The following RAB4A variants were observed in gnomAD, a reference collection of about 807,000 sequenced individuals.
RAB4A encodes the protein ras-related protein Rab-4A.
In RAB4A, 20 loss-of-function variants were observed where a neutral mutation model predicts 34.5. The ratio of observed to expected loss-of-function variants is 0.58; its 90% confidence interval spans 0.41 to 0.84. The LOEUF is 0.84. RAB4A is among the 40% of genes least tolerant of loss of function. The pLI is 0.00. For missense variants in RAB4A, 228 were observed against 274.5 expected, an observed-to-expected ratio of 0.83 and a Z score of 1.20; for synonymous variants, 102 against 100.0, an observed-to-expected ratio of 1.02 and a Z score of -0.12.
chr1:229,296,331 CA>C (rs1657250275), intron 4 of RAB4A, among the ~76,000 whole-genome samples: 1 of 152,186 alleles, frequency 6.6e-6, no homozygotes, highest in African/African-American at 2.4e-5. Context: ...CCTCTCAGGC[CA>C]GGTGCTTCAG....
intron 1 of RAB4A, among the ~76,000 whole-genome samples, chr1:229,273,695 T>A (rs1319870017): frequency 2.0e-5 from 3 of 152,146 alleles, no homozygotes; most frequent in African/African-American, 7.2e-5. Flanking sequence ...GCCAAGATTG[T>A]GCCACTGCAC....
chr1:229,302,305 ATATATTTT>A (rs1160175523), intron 6 of RAB4A, among the ~76,000 whole-genome samples: 59 of 37,742 alleles, frequency 1.6e-3, no homozygotes, highest in Non-Finnish European at 2.4e-3. Flanking sequence ...ATATATATAT[ATATATTTT>A]TTTTTTTTTT....
chr1:229,284,521 A>G (rs1656873124), intron 1 of RAB4A, among the ~76,000 whole-genome samples: 1 of 152,198 alleles, frequency 6.6e-6, no homozygotes, highest in African/African-American at 2.4e-5. Flanking sequence ...CAAATGCAAC[A>G]ATGATGGGTT....
chr1:229,271,846 G>A (rs893804932), intron 1 of RAB4A, among the ~76,000 whole-genome samples: 1 of 152,208 alleles, frequency 6.6e-6, no homozygotes, highest in Non-Finnish European at 1.5e-5. Context: ...ATTACAGTGA[G>A]GAGTTATTAA....
At chr1:229,294,558 G>C (rs1369863407) in intron 3 of RAB4A, among the ~76,000 whole-genome samples, 1 of 152,216 alleles carries the variant, frequency 6.6e-6, no homozygotes. Flanking sequence ...TTGGATGTGG[G>C]GCCACGCGTG....
rs1456767145 is a variant in RAB4A, at chr1:229,302,297, ATATATATATATATTT to A, written c.542-563_542-549del. ...TATATATATATATATATATATATAT[ATATATATATATATTT>A]TTTTTTTTTTTTTACATGTGCATGA... On this transcript the variant is annotated intron_variant, in intron 6 of 7. Coordinates refer to ENST00000366690, the MANE Select transcript of RAB4A (RefSeq NM_004578.4). Among the ~76,000 whole-genome samples the A allele has an allele frequency of 6.7e-4, 19 of 28,368 alleles. 2 individuals are homozygous for A. The highest frequency in any genetic ancestry group is 1.9e-3 in the South Asian group (2 of 1,034). The allele number at this position is 28,368 out of a possible 152,430, so 18.6% of individuals were successfully genotyped here.
chr1:229,299,137 C>A (rs117276980), intron 6 of RAB4A, 65 bp downstream of exon 6: 1 of 1,114,554 alleles, frequency 9.0e-7, no homozygotes, highest in African/African-American at 1.6e-5. Flanking sequence ...AGTAGATCAC[C>A]TTTTAATTAA....
intron 1 of RAB4A, among the ~76,000 whole-genome samples, chr1:229,272,741 C>CAGTT (rs1032713928): frequency 1.3e-5 from 2 of 152,044 alleles, no homozygotes; most frequent in Admixed American, 1.3e-4. Flanking sequence ...GTCAGTTTGT[C>CAGTT]TTGTAAGAAA....
intron 1 of RAB4A, among the ~76,000 whole-genome samples, chr1:229,283,361 T>C (rs975710729): frequency 2.0e-5 from 3 of 152,242 alleles, no homozygotes; most frequent in African/African-American, 7.2e-5. Context: ...TGCCCGGTTG[T>C]AGCCTTGCAA....
intron 1 of RAB4A, among the ~76,000 whole-genome samples, chr1:229,279,126 A>G (rs964078725): frequency 6.6e-6 from 1 of 152,210 alleles, no homozygotes; most frequent in East Asian, 1.9e-4. Flanking sequence ...AAATGACTCC[A>G]TTCTACCCAA....
At chr1:229,276,777 TA>T (rs1656661601) in intron 1 of RAB4A, among the ~76,000 whole-genome samples, 1 of 151,034 alleles carries the variant, frequency 6.6e-6, no homozygotes, top group South Asian at 2.1e-4. Context: ...TTTACATGAT[TA>T]AAAGGTAAGC....
chr1:229,282,500 G>A lies in RAB4A; in HGVS notation c.32-3986G>A, dbSNP rs184731751. Among the ~76,000 whole-genome samples the A allele has an allele frequency of 2.6e-5, 4 of 152,226 alleles. No individual in the cohort carries two copies. The East Asian group carries it at 7.7e-4, about 29-fold the overall frequency. Reference sequence around the variant, plus strand: ...CTCTCACCAAATTTAAGTTTTCAGTGCTGTTTCTTAGAGTGCTTTTTTCAA... The same window carrying A: ...CTCTCACCAAATTTAAGTTTTCAGTACTGTTTCTTAGAGTGCTTTTTTCAA... On this transcript the variant is annotated intron_variant, in intron 1 of 7. Coordinates refer to ENST00000366690, the MANE Select transcript of RAB4A (RefSeq NM_004578.4).
chr1:229,277,914 G>T (rs1225447328), intron 1 of RAB4A, among the ~76,000 whole-genome samples: 1 of 151,214 alleles, frequency 6.6e-6, no homozygotes, highest in East Asian at 1.9e-4. Context: ...GCCCAGTCTG[G>T]AGTGCAGTGG....
Position 229,271,333 on chromosome 1 carries a change from T to C in RAB4A, c.-7T>C. On this transcript the variant is annotated 5_prime_UTR_variant, in exon 1 of 8. Coordinates refer to ENST00000366690, the MANE Select transcript of RAB4A (RefSeq NM_004578.4). ...GTGACCCGGCGAGAGGCGGCGCCGC[T>C]CCCAAGATGTCGCAGACGGCCATGT... is the stretch of plus-strand genomic sequence containing the variant. The C allele has an allele frequency of 5.4e-6, 7 of 1,304,866 alleles. No individual in the cohort carries two copies. The highest frequency in any genetic ancestry group is 5.8e-6 in the Non-Finnish European group (6 of 1,028,158). The allele number at this position is 1,304,866 out of a possible 1,614,324, so 80.8% of individuals were successfully genotyped here.
Position 229,281,978 on chromosome 1 carries a change from G to A in RAB4A, c.32-4508G>A, listed in dbSNP as rs545924373. ...GTTAAACATAATGAAGAAAACTCAAGATAAGAAGGAAAGCCTATTGTATTT... is the reference window on the plus strand; with the variant it reads ...GTTAAACATAATGAAGAAAACTCAAAATAAGAAGGAAAGCCTATTGTATTT... On this transcript the variant is annotated intron_variant, in intron 1 of 7. Coordinates refer to ENST00000366690, the MANE Select transcript of RAB4A (RefSeq NM_004578.4). 1.1e-4 allele frequency among the ~76,000 whole-genome samples: 16 copies of A among 151,908 alleles called. No individual in the cohort carries two copies. The East Asian group carries it at 2.5e-3, about 24-fold the overall frequency.
At chr1:229,302,218 C>T (rs1056075636) in intron 6 of RAB4A, among the ~76,000 whole-genome samples, 22 of 125,506 alleles carry the variant, frequency 1.8e-4, no homozygotes, top group Admixed American at 1.7e-3. Context: ...TGGGTTGTTG[C>T]CAGTATTTTG....
At position 229,302,868 on chromosome 1, in the gene RAB4A, T is replaced by C. The variant is rs1308507919; in HGVS notation, c.548T>C (p.Leu183Pro). The change falls in exon 7 of 8, where the codon CTG becomes CCG. Residue 183 changes from leucine to proline, a missense_variant. Transcript: ENST00000366690. ...AGACTTGCTTGGTCCTTAGGTGAGC[T>C]GGACCCAGAAAGAATGGGCTCAGGT... is the stretch of plus-strand genomic sequence containing the variant. ...KILNKIESGE[L>P]DPERMGSGIQ... The C allele has an allele frequency of 1.2e-6, 2 of 1,612,528 alleles. No homozygotes were observed. Among genetic ancestry groups the C allele is most frequent in the Non-Finnish European group, 1.7e-6 (2 of 1,178,850 alleles).
At chr1:229,300,684 C>G (rs1320902510) in intron 6 of RAB4A, among the ~76,000 whole-genome samples, 1 of 151,804 alleles carries the variant, frequency 6.6e-6, no homozygotes, top group South Asian at 2.1e-4. Flanking sequence ...AAATGTGCGG[C>G]CTTTGCGGTA....
intron 6 of RAB4A, among the ~76,000 whole-genome samples, chr1:229,300,918 C>T (rs1164408309): frequency 6.6e-6 from 1 of 151,830 alleles, no homozygotes; most frequent in Non-Finnish European, 1.5e-5. Context: ...AGGAAATGGT[C>T]GGAAATGTGT....
Sources: allele counts gnomAD v4.1 joint callset (sites outside exome capture counted in the v4.1 genomes callset), GRCh38; gene constraint gnomAD v4.1.1; transcripts MANE v1.5; gene names NCBI Gene and HGNC (gene_info 2026-07-23, HGNC 2026-07-21).